The following TBATA variants were observed in gnomAD, a reference collection of about 807,000 sequenced individuals.
TBATA encodes the protein thymus, brain and testes associated.
TBATA carries 47 observed loss-of-function variants against 38.7 expected under a neutral mutation model. The observed-to-expected ratio is 1.21, with a 90% CI of 0.96 to 1.55. The LOEUF is 1.55. Ranked by LOEUF, TBATA falls within the 40% of genes most tolerant of loss-of-function variation. TBATA has a pLI of 0.00. For synonymous variants in TBATA, 183 were observed against 170.5 expected (o/e 1.07, Z -0.57); for missense variants, 436 against 435.6 (o/e 1.00, Z -0.01).
chr10:70,779,651 G>A lies in TBATA; in HGVS notation c.369C>T (p.Pro123=), dbSNP rs1564591003. 6.5e-7 allele frequency: 1 copy of A among 1,532,814 alleles called. No individual in the cohort carries two copies. The highest frequency in any genetic ancestry group is 8.7e-7 in the Non-Finnish European group (1 of 1,149,702). 95.0% of individuals were successfully genotyped at this position (1,532,814 alleles called of 1,614,324 possible). A position where few individuals can be genotyped will look rare whatever the true frequency, so the allele number is the denominator to read the frequency against. ...TVFSGCQMGI[P]TISVPIGDPQ... ...GGTCTCCAATGGGGACAGAGATGGT[G>A]GGTATCCCCATTTGACAGCCGGAAA... Residue 123 remains proline, a synonymous_variant, in exon 5 of 11, where the codon CCC becomes CCT. Coordinates refer to ENST00000456372, the MANE Select transcript of TBATA (RefSeq NM_001318241.2).
At position 70,774,345 on chromosome 10, in the gene TBATA, G is replaced by A. The variant is rs1318472998; in HGVS notation, c.788C>T (p.Ala263Val). Residue 263 changes from alanine (A) to valine (V), a missense_variant, in exon 9 of 11, where the codon GCT becomes GTT. Physicochemically the swap from Ala to Val is moderately conservative, Grantham distance 64. Coordinates refer to ENST00000456372, the MANE Select transcript of TBATA (RefSeq NM_001318241.2). ...CACTGCTGTCTGCAGGAGTCCCAGAGCGAGGTCTTTTTCTGAAAGCACAGC... is the reference window on the plus strand; with the variant it reads ...CACTGCTGTCTGCAGGAGTCCCAGAACGAGGTCTTTTTCTGAAAGCACAGC... Reference protein sequence around the residue: ...LYAPPKEKDLALGLLQTAVAQ... With the variant: ...LYAPPKEKDLVLGLLQTAVAQ... 3.1e-6 allele frequency: 5 copies of A among 1,596,570 alleles called. No individual in the cohort carries two copies. The highest frequency in any genetic ancestry group is 1.1e-5 in the South Asian group (1 of 87,638).
intron 4 of TBATA, 56 bp downstream of exon 4, chr10:70,781,745 C>T: frequency 2.0e-6 from 3 of 1,511,814 alleles, no homozygotes; most frequent in Non-Finnish European, 2.7e-6. Context: ...CTTCCCAGTT[C>T]TCAAGACCAA....
At chr10:70,773,475 C>CCCGT (rs1842999811) in intron 9 of TBATA, among the ~76,000 whole-genome samples, 1 of 145,594 alleles carries the variant, frequency 6.9e-6, no homozygotes, top group African/African-American at 2.5e-5. Context: ...GCCCCCCCGG[C>CCCGT]TTCACCCCGG....
intron 10 of TBATA, among the ~76,000 whole-genome samples, chr10:70,772,003 C>G (rs1224752475): frequency 6.6e-6 from 1 of 152,196 alleles, no homozygotes; most frequent in East Asian, 1.9e-4. Context: ...TCATGCCTCC[C>G]TTACCACTGT....
At chr10:70,781,083 G>A (rs990688194) in intron 4 of TBATA, among the ~76,000 whole-genome samples, 5 of 152,232 alleles carry the variant, frequency 3.3e-5, no homozygotes, top group East Asian at 3.9e-4. Context: ...TGCCTTCTCC[G>A]TTCTCCTCTC....
chr10:70,781,699 G>GT, intron 4 of TBATA, 102 bp downstream of exon 4: 3 of 1,161,380 alleles, frequency 2.6e-6, no homozygotes, highest in Non-Finnish European at 3.7e-6. Context: ...ATCCTCTCTG[G>GT]GCCCCAGCCT....
intron 5 of TBATA, 117 bp downstream of exon 5, chr10:70,779,476 C>T (rs534876067): frequency 9.3e-5 from 113 of 1,212,234 alleles, no homozygotes; most frequent in Admixed American, 3.4e-4. Context: ...GTTCCCCCAA[C>T]GGACCTCACT....
At chr10:70,780,240 G>GCT (rs1843998411) in intron 4 of TBATA, among the ~76,000 whole-genome samples, 13 of 150,978 alleles carry the variant, frequency 8.6e-5, no homozygotes, top group Admixed American at 2.7e-4. Context: ...CTGCGTGCAG[G>GCT]GCAGCCTGGA....
At chr10:70,780,837 A>G (rs1276310454) in intron 4 of TBATA, among the ~76,000 whole-genome samples, 5 of 152,078 alleles carry the variant, frequency 3.3e-5, no homozygotes, top group Admixed American at 1.3e-4. Flanking sequence ...CTTTTAATCA[A>G]TCGCCAAGTC....
rs541424734 is a variant in TBATA, at chr10:70,777,994, G to A, written c.507+563C>T. The stretch of plus-strand genomic sequence containing the variant: ...TGTCCACTCTGGTTACCCAAGACAA[G>A]GGGCAGGACCAGACTGTCCTAAGAG... On this transcript the variant is annotated intron_variant, in intron 6 of 10. Transcript: ENST00000456372. 16 of 323,580 alleles carry A rather than the reference G, an allele frequency of 4.9e-5. No individual in the cohort carries two copies. In the East Asian group the frequency reaches 1.5e-3, roughly 31 times the overall value. 20.0% of individuals were successfully genotyped at this position (323,580 alleles called of 1,614,324 possible).
rs1445376602 is a variant in TBATA at position 70,783,386 on chromosome 10, C to T, written c.-7G>A. The T allele has an allele frequency of 6.2e-7, 1 of 1,613,978 alleles. No individual in the cohort carries two copies. The highest frequency in any genetic ancestry group is 2.2e-5 in the East Asian group (1 of 44,892). ...ATTGAACATCTGTAGCCATTGTATG[C>T]TTTTTAACAGACTAAAGGCCAGTGC... On this transcript the variant is annotated 5_prime_UTR_variant, in exon 3 of 11. Coordinates refer to ENST00000456372, the MANE Select transcript of TBATA (RefSeq NM_001318241.2).
At chr10:70,776,901 C>A (rs1843473471) in intron 7 of TBATA, among the ~76,000 whole-genome samples, 1 of 152,120 alleles carries the variant, frequency 6.6e-6, no homozygotes, top group Non-Finnish European at 1.5e-5. Flanking sequence ...TGGAAGGGAC[C>A]CTCGACAACA....
chr10:70,780,764 T>C lies in TBATA; in HGVS notation c.278-1022A>G, dbSNP rs554675413. 2.0e-5 allele frequency among the ~76,000 whole-genome samples: 3 copies of C among 152,258 alleles called. No individual in the cohort carries two copies. The South Asian group carries it at 6.2e-4, about 32-fold the overall frequency. On this transcript the variant is annotated intron_variant, in intron 4 of 10. Coordinates refer to ENST00000456372, the MANE Select transcript of TBATA (RefSeq NM_001318241.2). ...CCTGCCTCAGTCAATGTACTCCAGT[T>C]TCCCAGGTGCTCAAGCCAAAAATCT...
rs745908847 is a variant in TBATA, at chr10:70,775,264, C to T, written c.700G>A (p.Glu234Lys). 1.6e-5 allele frequency: 26 copies of T among 1,613,692 alleles called. No homozygotes were observed. Among genetic ancestry groups the T allele is most frequent in the Non-Finnish European group, 2.2e-5 (26 of 1,179,736 alleles). Residue 234 changes from glutamate (E) to lysine (K), a missense_variant, in exon 8 of 11, where the codon GAG becomes AAG. Coordinates refer to ENST00000456372, the MANE Select transcript of TBATA (RefSeq NM_001318241.2). ...GTTTCCAGGATCCGACACAGGAGCT[C>T]CAGGACCTGTGGGCAGGAGGCCAGC... ...LLQDQELLVL[E>K]LLCRILETDL...
At chr10:70,781,772 T>G (rs754467094) in intron 4 of TBATA, 29 bp downstream of exon 4, 5 of 1,595,362 alleles carry the variant, frequency 3.1e-6, no homozygotes, top group African/African-American at 1.3e-5. Flanking sequence ...ATACTCCCTC[T>G]GCTCCCACCC....
intron 6 of TBATA, chr10:70,777,745 A>G (rs767763873): frequency 2.4e-6 from 1 of 420,488 alleles, no homozygotes; most frequent in South Asian, 1.8e-5. Context: ...ATCCTGCACC[A>G]AGGGCCCACC....
At chr10:70,777,687 G>A (rs1262586018) in intron 6 of TBATA, 9 of 385,852 alleles carry the variant, frequency 2.3e-5, no homozygotes, top group East Asian at 2.0e-4. Flanking sequence ...TCCCAGGTAG[G>A]TCCTCCTTGC....
At chr10:70,783,293 AC>A in intron 3 of TBATA, 45 bp downstream of exon 3, 3 of 1,611,756 alleles carry the variant, frequency 1.9e-6, no homozygotes, top group Non-Finnish European at 2.5e-6. Flanking sequence ...ACCCTGCCCT[AC>A]CCCAAGCCCT....
At chr10:70,782,968 C>T (rs1270468260) in intron 3 of TBATA, among the ~76,000 whole-genome samples, 1 of 152,244 alleles carries the variant, frequency 6.6e-6, no homozygotes, top group East Asian at 1.9e-4. Context: ...TTCCATTCTC[C>T]ATTCGCCTCT....
Sources: gnomAD v4.1 joint callset for allele counts (sites outside exome capture counted in the v4.1 genomes callset) on GRCh38, gnomAD v4.1.1 for gene constraint, MANE v1.5 for transcripts, NCBI Gene and HGNC (gene_info 2026-07-23, HGNC 2026-07-21) for gene names.